The following ROBO2 variants were observed in gnomAD, a reference collection of about 807,000 sequenced individuals.
ROBO2 encodes roundabout guidance receptor 2.
In ROBO2, 53 loss-of-function variants were observed where a neutral mutation model predicts 160.8. The observed-to-expected ratio is 0.33, with a 90% confidence interval of 0.26 to 0.41. The LOEUF (loss-of-function observed/expected upper bound fraction) is 0.41. Ranked by LOEUF, ROBO2 falls within the 10% of genes least tolerant of loss-of-function variation. ROBO2 has a pLI of 1.00. For synonymous variants in ROBO2, 664 were observed against 611.7 expected, an observed-to-expected ratio of 1.09 and a Z score of -1.26; for missense variants, 1,577 against 1,722.4, an observed-to-expected ratio of 0.92 and a Z score of 1.49.
At chr3:76,501,310 T>C (rs866346681) in intron 2 of ROBO2, among the ~76,000 whole-genome samples, 2 of 152,228 alleles carry the variant, frequency 1.3e-5, no homozygotes, top group African/African-American at 2.4e-5. Context: ...GTCTCTGCTA[T>C]GTATAATAAT....
At chr3:76,952,919 G>C (rs1467082867) in intron 2 of ROBO2, among the ~76,000 whole-genome samples, 2 of 152,140 alleles carry the variant, frequency 1.3e-5, no homozygotes, top group Non-Finnish European at 2.9e-5. Context: ...GAGTTTGTAA[G>C]TCTGGCATTT....
intron 2 of ROBO2, among the ~76,000 whole-genome samples, chr3:76,071,882 T>G (rs1046491463): frequency 6.6e-6 from 1 of 152,138 alleles, no homozygotes; most frequent in Non-Finnish European, 1.5e-5. Flanking sequence ...TAACACCTCT[T>G]TCTGGTAGTT....
intron 2 of ROBO2, among the ~76,000 whole-genome samples, chr3:77,281,443 C>A (rs2060233021): frequency 6.6e-6 from 1 of 151,728 alleles, no homozygotes; most frequent in Admixed American, 6.6e-5. Flanking sequence ...ATTTTACTGT[C>A]TCTATATGAA....
rs550024326 is a variant in ROBO2 at position 76,000,726 on chromosome 3, A to AT, written c.109+63125dup. Among the ~76,000 whole-genome samples, 621 of 151,798 alleles carry AT rather than the reference A, an allele frequency of 4.1e-3. 4 individuals are homozygous for AT. The highest frequency in any genetic ancestry group is 0.014 in the African/African-American group (598 of 41,418). ...AGGATGGTGTCGATCTCCTGACCTC[A>AT]TGATCCACCTGCCTCGGCCTCCCAA... On this transcript the variant is annotated intron_variant, in intron 2 of 26. Coordinates refer to the ROBO2 transcript ENST00000487694.
chr3:77,053,119 G>T (rs1174084850), intron 1 of ROBO2, among the ~76,000 whole-genome samples: 1 of 152,100 alleles, frequency 6.6e-6, no homozygotes, highest in Non-Finnish European at 1.5e-5. Flanking sequence ...ATTGCTCAAG[G>T]TTTATTAAAC....
At chr3:76,616,092 A>G (rs1482933020) in intron 2 of ROBO2, among the ~76,000 whole-genome samples, 7 of 152,194 alleles carry the variant, frequency 4.6e-5, no homozygotes, top group African/African-American at 1.7e-4. Context: ...CCACACAAAC[A>G]CTTAATGTTA....
At chr3:76,950,152 G>C (rs564670617) in intron 2 of ROBO2, among the ~76,000 whole-genome samples, 1 of 152,280 alleles carries the variant, frequency 6.6e-6, no homozygotes, top group South Asian at 2.1e-4. Flanking sequence ...CTGATAGGTG[G>C]TCTCTTTAAA....
At chr3:76,238,704 A>C (rs1362063590) in intron 2 of ROBO2, among the ~76,000 whole-genome samples, 7 of 151,384 alleles carry the variant, frequency 4.6e-5, no homozygotes, top group Non-Finnish European at 7.4e-5. Context: ...AACTCCCCCC[A>C]GGTCTCCCCC....
intron 2 of ROBO2, among the ~76,000 whole-genome samples, chr3:77,301,477 A>C (rs1465339220): frequency 1.3e-5 from 2 of 152,186 alleles, no homozygotes; most frequent in Non-Finnish European, 2.9e-5. Flanking sequence ...TATTACACCA[A>C]AATTATAGAA....
At chr3:76,067,209 A>T (rs770001010) in intron 2 of ROBO2, among the ~76,000 whole-genome samples, 2 of 152,180 alleles carry the variant, frequency 1.3e-5, no homozygotes, top group Non-Finnish European at 2.9e-5. Context: ...TCTAAGCCCC[A>T]GTTCCCTTCT....
intron 2 of ROBO2, among the ~76,000 whole-genome samples, chr3:76,830,833 C>A (rs909437175): frequency 7.1e-5 from 9 of 127,272 alleles, no homozygotes; most frequent in East Asian, 2.4e-4. Context: ...AAAAAAAGTT[C>A]TTTTAATTAG....
At chr3:76,684,126 T>C (rs2092634035) in intron 2 of ROBO2, among the ~76,000 whole-genome samples, 1 of 151,712 alleles carries the variant, frequency 6.6e-6, no homozygotes. Context: ...GAAAAATGAG[T>C]CTATTGATTA....
chr3:77,477,159 C>T (rs2084113868), intron 2 of ROBO2, among the ~76,000 whole-genome samples: 3 of 152,060 alleles, frequency 2.0e-5, no homozygotes, highest in African/African-American at 7.2e-5. Flanking sequence ...GAATATTTCT[C>T]ATTTTTTTGA....
chr3:77,641,914 C>T (rs986276725), intron 24 of ROBO2, among the ~76,000 whole-genome samples: 2 of 152,038 alleles, frequency 1.3e-5, no homozygotes, highest in African/African-American at 4.8e-5. Flanking sequence ...CTTTAAAGAG[C>T]TTTTCTGAAA....
intron 2 of ROBO2, among the ~76,000 whole-genome samples, chr3:77,186,530 T>C (rs974994758): frequency 1.1e-4 from 17 of 151,866 alleles, no homozygotes; most frequent in African/African-American, 3.9e-4. Flanking sequence ...AGCAGTACTT[T>C]AGTCAAATGC....
chr3:76,487,831 G>T (rs1303942021), intron 2 of ROBO2, among the ~76,000 whole-genome samples: 1 of 152,202 alleles, frequency 6.6e-6, no homozygotes, highest in East Asian at 1.9e-4. Context: ...GCTCCTAGAA[G>T]CTGCCCACAA....
At chr3:77,026,139 A>G (rs1365216596) in intron 2 of ROBO2, among the ~76,000 whole-genome samples, 4 of 152,100 alleles carry the variant, frequency 2.6e-5, no homozygotes, top group African/African-American at 9.7e-5. Flanking sequence ...TTCCTTCAAT[A>G]CTATAGGTTT....
chr3:77,065,033 A>G (rs1485821397), intron 1 of ROBO2, among the ~76,000 whole-genome samples: 1 of 152,188 alleles, frequency 6.6e-6, no homozygotes, highest in Non-Finnish European at 1.5e-5. Context: ...TTTTTATTCA[A>G]TGATTCTAAT....
At chr3:76,758,787 A>G (rs2108340171) in intron 2 of ROBO2, among the ~76,000 whole-genome samples, 1 of 152,002 alleles carries the variant, frequency 6.6e-6, no homozygotes, top group South Asian at 2.1e-4. Context: ...TCAATGTTAA[A>G]GAAATAAAGA....
Sources: allele counts gnomAD v4.1 joint callset (sites outside exome capture counted in the v4.1 genomes callset), GRCh38; gene constraint gnomAD v4.1.1; transcripts MANE v1.5; gene names NCBI Gene and HGNC (gene_info 2026-07-23, HGNC 2026-07-21).